The following LHFPL6 variants were observed in gnomAD, a reference collection of about 807,000 sequenced individuals.
LHFPL6 encodes LHFPL tetraspan subfamily member 6 protein.
LHFPL6 carries 9 observed loss-of-function variants against 20.6 expected under a neutral mutation model. The ratio of observed to expected loss-of-function variants is 0.44; its 90% CI spans 0.26 to 0.76. The LOEUF (loss-of-function observed/expected upper bound fraction) is 0.76, where lower values mean the gene tolerates loss of function less well. LHFPL6 is among the 30% of genes least tolerant of loss of function. The pLI is 0.20. For missense variants in LHFPL6, 218 were observed against 253.5 expected (o/e 0.86, Z 0.95); for synonymous variants, 105 against 98.7 (o/e 1.06, Z -0.38).
intron 2 of LHFPL6, among the ~76,000 whole-genome samples, chr13:39,600,309 G>A (rs1340323462): frequency 6.6e-6 from 1 of 152,198 alleles, no homozygotes; most frequent in East Asian, 1.9e-4. Context: ...ATATAAAACT[G>A]ATCTCTCATT....
chr13:39,422,321 G>A (rs560115712), intron 2 of LHFPL6, among the ~76,000 whole-genome samples: 25 of 152,152 alleles, frequency 1.6e-4, no homozygotes, highest in African/African-American at 4.8e-4. Context: ...AACACAGGCC[G>A]GGAGCAGTGG....
intron 3 of LHFPL6, 43 bp downstream of exon 3, chr13:39,378,385 G>C (rs1248411266): frequency 6.6e-7 from 1 of 1,505,966 alleles, no homozygotes; most frequent in Non-Finnish European, 9.2e-7. Flanking sequence ...CATCAGATAA[G>C]GTTCTTTTTC....
intron 1 of LHFPL6, 47 bp from the exon 2 acceptor site, chr13:39,601,437 G>A (rs1006162722): frequency 1.4e-5 from 6 of 444,242 alleles, no homozygotes; most frequent in Non-Finnish European, 2.0e-5. Context: ...ATTAAAAGAA[G>A]TGATAACACT....
intron 2 of LHFPL6, among the ~76,000 whole-genome samples, chr13:39,447,561 A>G (rs1872324994): frequency 6.6e-6 from 1 of 152,176 alleles, no homozygotes; most frequent in East Asian, 1.9e-4. Context: ...AATTGATAAG[A>G]TCTGCAAGCC....
intron 2 of LHFPL6, among the ~76,000 whole-genome samples, chr13:39,455,363 G>A (rs1872546204): frequency 6.6e-6 from 1 of 152,112 alleles, no homozygotes; most frequent in Admixed American, 6.5e-5. Context: ...TTCACAGCAT[G>A]CTCTGAAATA....
chr13:39,443,956 G>A (rs775708065), intron 2 of LHFPL6, among the ~76,000 whole-genome samples: 1 of 151,712 alleles, frequency 6.6e-6, no homozygotes, highest in Non-Finnish European at 1.5e-5. Flanking sequence ...CAGTAGGTTT[G>A]ATGTGTTAAA....
At chr13:39,493,904 G>A (rs556179524) in intron 2 of LHFPL6, among the ~76,000 whole-genome samples, 1 of 152,294 alleles carries the variant, frequency 6.6e-6, no homozygotes, top group Admixed American at 6.5e-5. Context: ...AAACAAGCAT[G>A]ATTTCTAAGC....
At chr13:39,423,135 C>T (rs530151576) in intron 2 of LHFPL6, among the ~76,000 whole-genome samples, 1 of 152,276 alleles carries the variant, frequency 6.6e-6, no homozygotes, top group South Asian at 2.1e-4. Flanking sequence ...AGCCAAACCA[C>T]ATCACCAAGA....
intron 2 of LHFPL6, among the ~76,000 whole-genome samples, chr13:39,470,100 A>AT (rs1555263849): frequency 4.6e-5 from 7 of 151,934 alleles, no homozygotes; most frequent in African/African-American, 9.7e-5. Flanking sequence ...TCGCTTAAAA[A>AT]ATATATATAT....
chr13:39,510,136 G>A (rs2138473388), intron 2 of LHFPL6, among the ~76,000 whole-genome samples: 1 of 152,268 alleles, frequency 6.6e-6, no homozygotes, highest in East Asian at 1.9e-4. Flanking sequence ...GTAACAATGA[G>A]GCGTAATGAT....
rs575325367 is a variant in LHFPL6, at chr13:39,544,571, C to T, written c.385+56261G>A. Among the ~76,000 whole-genome samples the T allele has an allele frequency of 1.2e-3, 180 of 152,258 alleles. 1 individual carries two copies. The highest frequency in any genetic ancestry group is 4.1e-3 in the African/African-American group (170 of 41,540). Reference sequence around the variant, plus strand: ...TGTTCTCCTCAGTAGGTGATGACAACGAGATAATCATTGCCAACAAAAGTA... The same window carrying T: ...TGTTCTCCTCAGTAGGTGATGACAATGAGATAATCATTGCCAACAAAAGTA... On this transcript the variant is annotated intron_variant, in intron 2 of 3. Transcript: ENST00000379589.
intron 2 of LHFPL6, among the ~76,000 whole-genome samples, chr13:39,418,157 C>T (rs1871390557): frequency 6.6e-6 from 1 of 152,072 alleles, no homozygotes. Flanking sequence ...CAAGTAAGTC[C>T]TGGTCAATCT....
chr13:39,368,720 A>T (rs2138351400), intron 3 of LHFPL6, among the ~76,000 whole-genome samples: 1 of 152,336 alleles, frequency 6.6e-6, no homozygotes, highest in South Asian at 2.1e-4. Context: ...ATAAAAAGAG[A>T]CAGGCATCAT....
chr13:39,499,734 G>A (rs920393558), intron 2 of LHFPL6, among the ~76,000 whole-genome samples: 1 of 152,232 alleles, frequency 6.6e-6, no homozygotes, highest in African/African-American at 2.4e-5. Context: ...CACAGAGATG[G>A]TAAGAAGAGA....
intron 3 of LHFPL6, among the ~76,000 whole-genome samples, chr13:39,376,533 A>C (rs1162037163): frequency 6.6e-6 from 1 of 152,210 alleles, no homozygotes; most frequent in Non-Finnish European, 1.5e-5. Flanking sequence ...CGACGGAAGT[A>C]GAGTGGTTGT....
intron 2 of LHFPL6, among the ~76,000 whole-genome samples, chr13:39,423,170 T>C (rs1053448104): frequency 6.6e-6 from 1 of 152,188 alleles, no homozygotes; most frequent in Non-Finnish European, 1.5e-5. Context: ...GCTACTTGTG[T>C]ATAATTCTCA....
intron 2 of LHFPL6, among the ~76,000 whole-genome samples, chr13:39,440,546 T>A (rs1248925988): frequency 1.3e-5 from 2 of 152,164 alleles, no homozygotes; most frequent in Non-Finnish European, 2.9e-5. Context: ...CTTTATAATC[T>A]CCAGTTACAT....
At chr13:39,370,286 T>C (rs1378711610) in intron 3 of LHFPL6, among the ~76,000 whole-genome samples, 5 of 152,104 alleles carry the variant, frequency 3.3e-5, no homozygotes, top group Non-Finnish European at 5.9e-5. Context: ...ATTTGGGTCT[T>C]TGTTGAATTC....
chr13:39,386,707 A>T (rs776706548), intron 2 of LHFPL6, among the ~76,000 whole-genome samples: 4 of 152,218 alleles, frequency 2.6e-5, no homozygotes, highest in Non-Finnish European at 1.5e-5. Flanking sequence ...ATTGAAACAT[A>T]TGTCAACACA....
Sources: allele counts gnomAD v4.1 joint callset (sites outside exome capture counted in the v4.1 genomes callset), GRCh38; gene constraint gnomAD v4.1.1; transcripts MANE v1.5; gene names NCBI Gene and HGNC (gene_info 2026-07-23, HGNC 2026-07-21).